The following MMP16 variants were observed in gnomAD, a reference collection of about 807,000 sequenced individuals.
MMP16 encodes matrix metalloproteinase-16.
Under a neutral mutation model 67.8 loss-of-function variants are expected in MMP16, and 12 were observed. The ratio of observed to expected loss-of-function variants is 0.18; its 90% CI spans 0.11 to 0.29. The LOEUF (loss-of-function observed/expected upper bound fraction) is 0.29. Among genes scored for constraint, MMP16 ranks in the 10% least tolerant of loss-of-function variants. The pLI is 1.00. For synonymous variants in MMP16, 249 were observed against 255.9 expected (o/e 0.97, Z 0.26); for missense variants, 475 against 765.7 (o/e 0.62, Z 4.48).
intron 4 of MMP16, among the ~76,000 whole-genome samples, chr8:88,142,420 C>T (rs1461647935): frequency 6.6e-6 from 1 of 151,882 alleles, no homozygotes; most frequent in Non-Finnish European, 1.5e-5. Context: ...TATAGCTGCC[C>T]AGATTTACAT....
rs539290716 is a variant in MMP16 at position 88,146,791 on chromosome 8, A to T, written c.709+20878T>A. The stretch of plus-strand genomic sequence containing the variant: ...CTTTAGAATGTCAATAAACCAAAAT[A>T]AAAAAAAAAACTATTTGGTAAATAT... On this transcript the variant is annotated intron_variant, in intron 4 of 9. Coordinates refer to ENST00000286614, the MANE Select transcript of MMP16 (RefSeq NM_005941.5). 4.3e-3 allele frequency among the ~76,000 whole-genome samples: 544 copies of T among 127,718 alleles called. 7 individuals are homozygous for T. Among genetic ancestry groups the T allele is most frequent in the African/African-American group, 0.017 (502 of 29,260 alleles). The allele number at this position is 127,718 out of a possible 152,430, so 83.8% of individuals were successfully genotyped here.
intron 1 of MMP16, among the ~76,000 whole-genome samples, chr8:88,317,690 TGTTA>T (rs781406308): frequency 1.4e-4 from 22 of 152,194 alleles, no homozygotes; most frequent in Non-Finnish European, 2.2e-4. Flanking sequence ...TTTTTACCTT[TGTTA>T]GTTGGTTTAG....
chr8:88,307,353 C>T (rs1228708858), intron 1 of MMP16, among the ~76,000 whole-genome samples: 1 of 152,054 alleles, frequency 6.6e-6, no homozygotes, highest in African/African-American at 2.4e-5. Flanking sequence ...AAATATTCAA[C>T]TATCCTTTTC....
intron 1 of MMP16, among the ~76,000 whole-genome samples, chr8:88,277,629 A>G (rs1361747011): frequency 6.6e-6 from 1 of 152,220 alleles, no homozygotes; most frequent in Non-Finnish European, 1.5e-5. Context: ...GTAAACCATA[A>G]GGGTAATTAT....
At chr8:88,248,236 G>C (rs929377457) in intron 1 of MMP16, among the ~76,000 whole-genome samples, 2 of 152,164 alleles carry the variant, frequency 1.3e-5, no homozygotes, top group South Asian at 4.1e-4. Flanking sequence ...ACAAATAGTT[G>C]AAGTAAGCAT....
intron 1 of MMP16, among the ~76,000 whole-genome samples, chr8:88,307,521 A>G (rs1811228794): frequency 6.6e-6 from 1 of 152,092 alleles, no homozygotes; most frequent in South Asian, 2.1e-4. Context: ...TGTCCTCACC[A>G]TCAATCTTAA....
At chr8:88,063,626 TA>T (rs1808429185) in intron 7 of MMP16, among the ~76,000 whole-genome samples, 1 of 152,022 alleles carries the variant, frequency 6.6e-6, no homozygotes. Context: ...AAGTGGCTGA[TA>T]ATCCAGCCTA....
At chr8:88,161,537 G>T (rs1808623592) in intron 4 of MMP16, among the ~76,000 whole-genome samples, 1 of 151,796 alleles carries the variant, frequency 6.6e-6, no homozygotes, top group African/African-American at 2.4e-5. Context: ...GGGTTTTTTT[G>T]TGTCTCTATT....
chr8:88,088,837 C>T lies in MMP16; in HGVS notation c.1084-14094G>A, dbSNP rs530536506. 7.0e-4 allele frequency among the ~76,000 whole-genome samples: 106 copies of T among 151,994 alleles called. 1 individual carries two copies. The highest frequency in any genetic ancestry group is 1.4e-3 in the Non-Finnish European group (93 of 67,984). ...GAAGTCAGATGATCACAATCATTAA[C>T]GAATGGAAAACACTGTGCTACTGGG... On this transcript the variant is annotated intron_variant, in intron 6 of 9. Coordinates refer to ENST00000286614, the MANE Select transcript of MMP16 (RefSeq NM_005941.5).
intron 1 of MMP16, among the ~76,000 whole-genome samples, chr8:88,208,363 T>C (rs1336646675): frequency 6.6e-6 from 1 of 152,228 alleles, no homozygotes; most frequent in Non-Finnish European, 1.5e-5. Flanking sequence ...AGAATATTGA[T>C]TGGTTCCATT....
At chr8:88,115,604 A>T (rs1192993584) in intron 6 of MMP16, among the ~76,000 whole-genome samples, 1 of 152,106 alleles carries the variant, frequency 6.6e-6, no homozygotes, top group Non-Finnish European at 1.5e-5. Context: ...AGAAAATTAC[A>T]TAGACAGTAT....
At chr8:88,180,820 T>C (rs555476021) in intron 3 of MMP16, among the ~76,000 whole-genome samples, 1 of 152,250 alleles carries the variant, frequency 6.6e-6, no homozygotes, top group East Asian at 1.9e-4. Context: ...TAGAATAATC[T>C]ATACAAAGAA....
intron 1 of MMP16, among the ~76,000 whole-genome samples, chr8:88,244,246 C>A (rs1450398799): frequency 6.6e-6 from 1 of 152,134 alleles, no homozygotes; most frequent in Non-Finnish European, 1.5e-5. Flanking sequence ...TTACCTACTT[C>A]AAACAACTTT....
intron 6 of MMP16, among the ~76,000 whole-genome samples, chr8:88,093,976 A>G (rs1022605345): frequency 3.3e-5 from 5 of 151,874 alleles, no homozygotes; most frequent in African/African-American, 1.2e-4. Flanking sequence ...CCCACATTGA[A>G]TTCTCACATT....
intron 1 of MMP16, among the ~76,000 whole-genome samples, chr8:88,316,384 T>C (rs1402262784): frequency 6.6e-6 from 1 of 152,146 alleles, no homozygotes; most frequent in Non-Finnish European, 1.5e-5. Context: ...ACTTTCTTGA[T>C]AGGAGGTAAT....
intron 4 of MMP16, among the ~76,000 whole-genome samples, chr8:88,119,224 A>T (rs1807773929): frequency 6.6e-6 from 1 of 152,062 alleles, no homozygotes; most frequent in Non-Finnish European, 1.5e-5. Flanking sequence ...TCTCACATTT[A>T]ATATGATTCT....
chr8:88,108,106 T>A (rs930666420), intron 6 of MMP16, among the ~76,000 whole-genome samples: 1 of 151,238 alleles, frequency 6.6e-6, no homozygotes, highest in Admixed American at 6.6e-5. Context: ...TTAAAATCCC[T>A]GTTTATACCT....
intron 1 of MMP16, among the ~76,000 whole-genome samples, chr8:88,310,661 T>C (rs1220327121): frequency 6.6e-6 from 1 of 152,154 alleles, no homozygotes; most frequent in Non-Finnish European, 1.5e-5. Context: ...AACACAAAGT[T>C]ATAATTTACT....
At chr8:88,325,279 T>C (rs1173346707) in intron 1 of MMP16, among the ~76,000 whole-genome samples, 1 of 152,216 alleles carries the variant, frequency 6.6e-6, no homozygotes, top group African/African-American at 2.4e-5. Flanking sequence ...TACAATCTTT[T>C]ATGTTTAGTC....
Sources: allele counts gnomAD v4.1 joint callset (sites outside exome capture counted in the v4.1 genomes callset), GRCh38; gene constraint gnomAD v4.1.1; transcripts MANE v1.5; gene names NCBI Gene and HGNC (gene_info 2026-07-23, HGNC 2026-07-21).